The following ACTN1 variants were observed in gnomAD, a reference collection of about 807,000 sequenced individuals.
ACTN1 encodes the protein alpha-actinin-1.
In ACTN1, 30 loss-of-function variants were observed where a neutral mutation model predicts 119.6. The ratio of observed to expected loss-of-function variants is 0.25; its 90% CI spans 0.19 to 0.34. The LOEUF (loss-of-function observed/expected upper bound fraction) is 0.34. ACTN1 is among the 10% of genes least tolerant of loss of function. The probability of loss-of-function intolerance (pLI) is 1.00; values close to 1 mark genes in which losing one functional copy is unlikely to be tolerated. For synonymous variants in ACTN1, 429 were observed against 472.6 expected, an observed-to-expected ratio of 0.91 and a Z score of 1.20; for missense variants, 764 against 1,223.4, an observed-to-expected ratio of 0.62 and a Z score of 5.60.
At chr14:68,920,929 G>T in intron 3 of ACTN1, 77 bp downstream of exon 3, 1 of 1,574,684 alleles carries the variant, frequency 6.4e-7, no homozygotes. Flanking sequence ...GGCCCAGGAG[G>T]CAGCACAAAA....
At position 68,878,949 on chromosome 14, in the gene ACTN1, G is replaced by T; in HGVS notation, c.2361+40C>A. The T allele has an allele frequency of 6.2e-7, 1 of 1,612,770 alleles. No individual in the cohort carries two copies. The highest frequency in any genetic ancestry group is 8.5e-7 in the Non-Finnish European group (1 of 1,179,732). ...GAAAAACGCATTATTTCTTGCCCCA[G>T]ACGCCACCCCTGAGCGTGCTCCATG... On this transcript the variant is annotated intron_variant, in intron 19 of 21. Coordinates refer to ENST00000394419, the MANE Select transcript of ACTN1 (RefSeq NM_001130004.2). This position sits in a 1 kb window ranked among gnomAD's most constrained non-coding sequence, Gnocchi z 4.4.
Position 68,923,138 on chromosome 14 carries a change from C to T in ACTN1, c.221-2013G>A, listed in dbSNP as rs370559916. ...GAGGACAAGCCCGGCTCTGGGCACT[C>T]AGTCATTCTAATGTTCCCGGAGCAC... On this transcript the variant is annotated intron_variant, in intron 2 of 21. Coordinates refer to ENST00000394419, the MANE Select transcript of ACTN1 (RefSeq NM_001130004.2). 1.6e-3 allele frequency among the ~76,000 whole-genome samples: 237 copies of T among 152,334 alleles called. 2 individuals carry two copies. The highest frequency in any genetic ancestry group is 5.2e-3 in the African/African-American group (216 of 41,578).
chr14:68,967,534 A>C (rs1319769617), intron 1 of ACTN1, among the ~76,000 whole-genome samples: 1 of 152,204 alleles, frequency 6.6e-6, no homozygotes, highest in Non-Finnish European at 1.5e-5. Flanking sequence ...CAGATCAGTG[A>C]CATCCCCTGA....
chr14:68,938,952 C>T (rs1352850131), intron 1 of ACTN1, among the ~76,000 whole-genome samples: 1 of 152,168 alleles, frequency 6.6e-6, no homozygotes, highest in East Asian at 1.9e-4. Context: ...CACCCATCTA[C>T]AGCCCATTTC....
At chr14:68,945,740 A>G (rs1288669332) in intron 1 of ACTN1, among the ~76,000 whole-genome samples, 2 of 152,204 alleles carry the variant, frequency 1.3e-5, no homozygotes, top group Non-Finnish European at 2.9e-5. Context: ...ACAGGCAGAG[A>G]GGCCACAGCT....
At position 68,874,969 on chromosome 14, in the gene ACTN1, C is replaced by A. The variant is rs753963391; in HGVS notation, c.2635G>T (p.Ala879Ser). The A allele has an allele frequency of 6.2e-7, 1 of 1,613,692 alleles. No individual in the cohort carries two copies. Among genetic ancestry groups the A allele is most frequent in the Non-Finnish European group, 8.5e-7 (1 of 1,180,008 alleles). The stretch of plus-strand genomic sequence containing the variant: ...GCCATCCGCGCGATGCAGTACTCAG[C>A]CTGGTCGGGTGGCAGCTCGCGGCGC... ...ELRRELPPDQ[A>S]EYCIARMAPY... Residue 879 changes from alanine to serine, a missense_variant, in exon 22 of 22, where the codon GCT (alanine) becomes TCT (serine). Physicochemically the swap from Ala to Ser is moderately conservative, Grantham distance 99. Transcript: ENST00000394419.
In ACTN1 at chr14:68,878,453, G is replaced by A. The variant is rs761088344; in HGVS notation, c.2427+5C>T. The A allele has an allele frequency of 4.3e-5, 67 of 1,546,310 alleles. No individual in the cohort carries two copies. The highest frequency in any genetic ancestry group is 3.2e-5 in the Non-Finnish European group (37 of 1,144,590). Reference sequence around the variant, plus strand: ...AGGGCAGACAGAGGGTGGGGTTTACGTTACCATGTTGTAACCCATGGAGAT... The same window carrying A: ...AGGGCAGACAGAGGGTGGGGTTTACATTACCATGTTGTAACCCATGGAGAT... On this transcript the variant is annotated splice_donor_5th_base_variant and intron_variant, in intron 20 of 21. Coordinates refer to ENST00000394419, the MANE Select transcript of ACTN1 (RefSeq NM_001130004.2). The surrounding 1 kb of genome is among the most constrained non-coding windows in gnomAD (Gnocchi z 4.4).
chr14:68,900,296 T>C (rs966411294), intron 8 of ACTN1, among the ~76,000 whole-genome samples: 4 of 152,040 alleles, frequency 2.6e-5, no homozygotes, highest in Non-Finnish European at 5.9e-5. Context: ...GTAATCAATA[T>C]TCAAATCTCC....
At chr14:68,929,955 C>T (rs1340346836) in intron 1 of ACTN1, among the ~76,000 whole-genome samples, 1 of 152,266 alleles carries the variant, frequency 6.6e-6, no homozygotes, top group African/African-American at 2.4e-5. Context: ...CCAGCCCAGG[C>T]TAGGAGCCAT....
chr14:68,955,285 A>C (rs192194908), intron 1 of ACTN1, among the ~76,000 whole-genome samples: 1 of 152,296 alleles, frequency 6.6e-6, no homozygotes, highest in African/African-American at 2.4e-5. Context: ...TTGCCTGGGA[A>C]TGTCTCAAGG....
At chr14:68,904,864 G>GAT in intron 6 of ACTN1, 128 bp from the exon 7 acceptor site, 1 of 696,922 alleles carries the variant, frequency 1.4e-6, no homozygotes. Flanking sequence ...TCGATCCTCA[G>GAT]GGGACAGCTC....
At chr14:68,937,817 C>A (rs1293160294) in intron 1 of ACTN1, among the ~76,000 whole-genome samples, 1 of 152,264 alleles carries the variant, frequency 6.6e-6, no homozygotes, top group East Asian at 1.9e-4. Flanking sequence ...CAGGCAAGCA[C>A]CCTGCCAGCC....
chr14:68,897,359 T>C (rs950658200), intron 8 of ACTN1, among the ~76,000 whole-genome samples: 2 of 151,730 alleles, frequency 1.3e-5, no homozygotes, highest in African/African-American at 2.4e-5. Context: ...TTGTTGTATA[T>C]TCAAGAGTTA....
rs1414226546 is a variant in ACTN1, at chr14:68,884,896, G to A, written c.1386-13C>T. 9 of 1,602,074 alleles carry A rather than the reference G, an allele frequency of 5.6e-6. No individual in the cohort carries two copies. Among genetic ancestry groups the A allele is most frequent in the Non-Finnish European group, 7.7e-6 (9 of 1,169,016 alleles). On this transcript the variant is annotated splice_polypyrimidine_tract_variant and intron_variant, in intron 12 of 21. Coordinates refer to ENST00000394419, the MANE Select transcript of ACTN1 (RefSeq NM_001130004.2). ...ATAGTCCAGCTCACTGGGGAGGGAA[G>A]AGACAAGGAAGTCAGGGGACCCAGG...
At chr14:68,940,277 C>T (rs985274887) in intron 1 of ACTN1, among the ~76,000 whole-genome samples, 2 of 152,188 alleles carry the variant, frequency 1.3e-5, no homozygotes, top group African/African-American at 4.8e-5. Context: ...GGCACAGATG[C>T]TGAGAGCTCT....
intron 1 of ACTN1, among the ~76,000 whole-genome samples, chr14:68,960,831 G>C (rs1019968736): frequency 1.3e-5 from 2 of 152,028 alleles, no homozygotes; most frequent in African/African-American, 4.8e-5. Context: ...CTGGCACTTT[G>C]GAAGGCCGAG....
At chr14:68,899,573 C>G (rs1257611227) in intron 8 of ACTN1, among the ~76,000 whole-genome samples, 1 of 151,976 alleles carries the variant, frequency 6.6e-6, no homozygotes, top group Admixed American at 6.6e-5. Flanking sequence ...CCCCACACAC[C>G]ATACATACCT....
chr14:68,951,134 A>G (rs1176155171), intron 1 of ACTN1, among the ~76,000 whole-genome samples: 1 of 152,150 alleles, frequency 6.6e-6, no homozygotes, highest in Non-Finnish European at 1.5e-5. Context: ...GTGGCAGGGA[A>G]GCGCCACCCA....
chr14:68,904,515 A>G, intron 7 of ACTN1, 140 bp downstream of exon 7: 1 of 653,502 alleles, frequency 1.5e-6, no homozygotes, highest in Admixed American at 2.7e-5. Context: ...AGAGGCTGTG[A>G]TCCCCATGCT....
Sources: gnomAD v4.1 joint callset for allele counts (sites outside exome capture counted in the v4.1 genomes callset) on GRCh38, gnomAD v4.1.1 for gene constraint, Gnocchi (gnomAD v3.1) non-coding constraint, MANE v1.5 for transcripts, NCBI Gene and HGNC (gene_info 2026-07-23, HGNC 2026-07-21) for gene names.